The following GPR141 variants were observed in gnomAD, a reference collection of about 807,000 sequenced individuals.
GPR141 encodes the protein probable G protein-coupled receptor 141.
A neutral mutation model predicts 6.8 loss-of-function variants in GPR141; 6 were observed. That is an observed-to-expected ratio of 0.88 (90% CI 0.48 to 1.74). The LOEUF is 1.74. Ranked by LOEUF, GPR141 falls within the 40% of genes most tolerant of loss-of-function variation. The pLI is 0.01. For missense variants in GPR141, 372 were observed against 372.9 expected (o/e 1.00, Z 0.02); for synonymous variants, 140 against 142.3 (o/e 0.98, Z 0.11).
chr7:37,733,620 C>T (rs979243594), intron 2 of GPR141, among the ~76,000 whole-genome samples: 1 of 145,076 alleles, frequency 6.9e-6, no homozygotes, highest in Non-Finnish European at 1.5e-5. Context: ...TGCGGTGAGC[C>T]GAGATCCCAG....
chr7:37,738,510 G>A (rs747978993), intron 2 of GPR141, among the ~76,000 whole-genome samples: 5 of 152,186 alleles, frequency 3.3e-5, no homozygotes, highest in Admixed American at 6.5e-5. Flanking sequence ...TTCAGCCTAC[G>A]GATGAAATAC....
chr7:37,689,933 C>T (rs536857684), intron 2 of GPR141, among the ~76,000 whole-genome samples: 1 of 150,656 alleles, frequency 6.6e-6, no homozygotes, highest in East Asian at 2.0e-4. Context: ...TTCTTTCCTT[C>T]TTCTAATTTG....
chr7:37,711,156 G>A (rs1471494198), intron 2 of GPR141, among the ~76,000 whole-genome samples: 1 of 152,132 alleles, frequency 6.6e-6, no homozygotes, highest in African/African-American at 2.4e-5. Flanking sequence ...TGCTCAAGGT[G>A]ATCTAAATCA....
chr7:37,712,074 A>T (rs1351909988), intron 2 of GPR141, among the ~76,000 whole-genome samples: 1 of 152,226 alleles, frequency 6.6e-6, no homozygotes, highest in Non-Finnish European at 1.5e-5. Context: ...CTCCCTGGGT[A>T]TTTGAGTTTC....
chr7:37,720,636 G>A (rs1399939148), intron 2 of GPR141, among the ~76,000 whole-genome samples: 5 of 151,658 alleles, frequency 3.3e-5, no homozygotes, highest in African/African-American at 1.2e-4. Flanking sequence ...AGCTACTCAG[G>A]AGGCTGAGGC....
intron 2 of GPR141, among the ~76,000 whole-genome samples, chr7:37,691,915 T>A (rs1441215073): frequency 1.3e-5 from 2 of 152,202 alleles, no homozygotes; most frequent in African/African-American, 4.8e-5. Context: ...TTAGAGTGAC[T>A]TTATACTTTT....
intron 2 of GPR141, among the ~76,000 whole-genome samples, chr7:37,735,256 G>A (rs1038081442): frequency 2.6e-5 from 4 of 152,248 alleles, no homozygotes; most frequent in African/African-American, 9.6e-5. Context: ...AAAGCTCAAA[G>A]CAACTTCTTT....
At chr7:37,720,215 C>T (rs939722269) in intron 2 of GPR141, among the ~76,000 whole-genome samples, 17 of 152,148 alleles carry the variant, frequency 1.1e-4, no homozygotes, top group Non-Finnish European at 2.1e-4. Context: ...TGACTCAAGC[C>T]TGGCACTTTC....
Position 37,741,453 on chromosome 7 carries a change from C to T in GPR141, c.*142C>T, listed in dbSNP as rs901113036. The T allele has an allele frequency of 1.4e-5, 9 of 641,562 alleles. No homozygotes were observed. The highest frequency in any genetic ancestry group is 2.4e-5 in the Non-Finnish European group (9 of 379,200). The allele number at this position is 641,562 out of a possible 1,614,324, so 39.7% of individuals were successfully genotyped here. ...CAAAAGGACTATAAAATGCAAGAGCCCTCATTGTAGTCCTTATGGGATCCC... is the reference window on the plus strand; with the variant it reads ...CAAAAGGACTATAAAATGCAAGAGCTCTCATTGTAGTCCTTATGGGATCCC... On this transcript the variant is annotated 3_prime_UTR_variant, in exon 3 of 3. Transcript: ENST00000334425.
chr7:37,722,994 CTTTT>C (rs111534766), intron 2 of GPR141, among the ~76,000 whole-genome samples: 3 of 96,562 alleles, frequency 3.1e-5, no homozygotes, highest in Admixed American at 1.3e-4. Context: ...TTCTTTCTTT[CTTTT>C]TTTTTTTTGA....
rs1266315530 is a variant in GPR141, at chr7:37,742,009, A to G, written c.*698A>G. ...CAATTGCACTGTTGCTCCAAAAATCATTTAAAAGCTTACTGGACATATCTA... is the reference window on the plus strand; with the variant it reads ...CAATTGCACTGTTGCTCCAAAAATCGTTTAAAAGCTTACTGGACATATCTA... On this transcript the variant is annotated 3_prime_UTR_variant, in exon 3 of 3. Transcript: ENST00000334425. 1.3e-5 allele frequency among the ~76,000 whole-genome samples: 2 copies of G among 152,194 alleles called. No individual in the cohort carries two copies. The highest frequency in any genetic ancestry group is 4.8e-5 in the African/African-American group (2 of 41,448).
intron 2 of GPR141, among the ~76,000 whole-genome samples, chr7:37,687,332 C>A (rs1262051326): frequency 6.6e-6 from 1 of 152,022 alleles, no homozygotes; most frequent in East Asian, 1.9e-4. Context: ...TAATGAAAAA[C>A]CTGAGTAGCT....
At position 37,741,382 on chromosome 7, in the gene GPR141, T is replaced by C; in HGVS notation, c.*71T>C. On this transcript the variant is annotated 3_prime_UTR_variant, in exon 3 of 3. Coordinates refer to ENST00000334425, the MANE Select transcript of GPR141 (RefSeq NM_001381946.1). The stretch of plus-strand genomic sequence containing the variant: ...AAAATGGGTATAGGGGAGGTAAGAA[T>C]GGTATTTCATTACTTGATCAAAACC... The C allele has an allele frequency of 1.8e-6, 2 of 1,130,476 alleles. No homozygotes were observed. Among genetic ancestry groups the C allele is most frequent in the Non-Finnish European group, 2.5e-6 (2 of 789,938 alleles). 70.0% of individuals were successfully genotyped at this position (1,130,476 alleles called of 1,614,324 possible).
chr7:37,731,721 G>A (rs1375991121), intron 2 of GPR141, among the ~76,000 whole-genome samples: 1 of 152,240 alleles, frequency 6.6e-6, no homozygotes, highest in East Asian at 1.9e-4. Flanking sequence ...CGAAGTGCGG[G>A]GATTACAGGC....
At position 37,700,385 on chromosome 7, in the gene GPR141, G is replaced by C. The variant is rs77758854; in HGVS notation, c.-15+14802G>C. The stretch of plus-strand genomic sequence containing the variant: ...TTTCCTTTTTATAGATTCTTCTTTC[G>C]GCAAAGCATAGCATAATAACCCCAC... On this transcript the variant is annotated intron_variant, in intron 2 of 2. Transcript: ENST00000334425. Among the ~76,000 whole-genome samples, 1,470 of 152,102 alleles carry C rather than the reference G, an allele frequency of 9.7e-3. 25 individuals carry two copies. The highest frequency in any genetic ancestry group is 0.033 in the African/African-American group (1,360 of 41,454).
At chr7:37,712,657 A>C (rs560207953) in intron 2 of GPR141, among the ~76,000 whole-genome samples, 1 of 152,334 alleles carries the variant, frequency 6.6e-6, no homozygotes, top group South Asian at 2.1e-4. Flanking sequence ...ATGCATGAGC[A>C]GATGGGGACA....
chr7:37,729,473 CT>C (rs1209454710), intron 2 of GPR141, among the ~76,000 whole-genome samples: 2 of 152,206 alleles, frequency 1.3e-5, no homozygotes, highest in African/African-American at 4.8e-5. Context: ...AGTCAGGGCA[CT>C]TTTTCACCAT....
At chr7:37,717,985 G>A (rs918829777) in intron 2 of GPR141, among the ~76,000 whole-genome samples, 1 of 151,956 alleles carries the variant, frequency 6.6e-6, no homozygotes, top group African/African-American at 2.4e-5. Flanking sequence ...CTTCTCTCTG[G>A]GGTGAAATAA....
At chr7:37,722,551 G>A (rs1041482615) in intron 2 of GPR141, among the ~76,000 whole-genome samples, 4 of 151,728 alleles carry the variant, frequency 2.6e-5, no homozygotes, top group East Asian at 1.9e-4. Context: ...GTGAAACCCC[G>A]TCTCTACTAA....
Sources: gnomAD v4.1 joint callset for allele counts (sites outside exome capture counted in the v4.1 genomes callset) on GRCh38, gnomAD v4.1.1 for gene constraint, MANE v1.5 for transcripts, NCBI Gene and HGNC (gene_info 2026-07-23, HGNC 2026-07-21) for gene names.